The following XRN1 variants were observed in gnomAD, a reference collection of about 807,000 sequenced individuals.
The protein encoded by XRN1 is strand-exchange protein 1 homolog.
XRN1 carries 67 observed loss-of-function variants against 222.3 expected under a neutral mutation model. The ratio of observed to expected loss-of-function variants is 0.30; its 90% CI spans 0.25 to 0.37. The LOEUF is 0.37. XRN1 is among the 10% of genes least tolerant of loss of function. The pLI is 1.00. For synonymous variants in XRN1, 643 were observed against 652.4 expected (o/e 0.99, Z 0.22); for missense variants, 1,707 against 2,000.2 (o/e 0.85, Z 2.80).
chr3:142,441,492 T>C (rs2070211786), intron 1 of XRN1, among the ~76,000 whole-genome samples: 1 of 152,222 alleles, frequency 6.6e-6, no homozygotes, highest in South Asian at 2.1e-4. Context: ...AGGGACGAGC[T>C]TGCAACCGTG....
intron 1 of XRN1, among the ~76,000 whole-genome samples, chr3:142,446,693 C>T (rs1214335995): frequency 6.6e-6 from 1 of 152,190 alleles, no homozygotes; most frequent in Non-Finnish European, 1.5e-5. Flanking sequence ...TTGGTTGTCT[C>T]CATTTCTGCA....
intron 10 of XRN1, among the ~76,000 whole-genome samples, chr3:142,420,566 T>C (rs2068984968): frequency 6.6e-6 from 1 of 152,026 alleles, no homozygotes; most frequent in African/African-American, 2.4e-5. Flanking sequence ...GAGATGGGGT[T>C]TCGCCACGTT....
At chr3:142,326,339 T>C (rs191740297) in intron 37 of XRN1, among the ~76,000 whole-genome samples, 7 of 152,218 alleles carry the variant, frequency 4.6e-5, no homozygotes, top group Admixed American at 4.6e-4. Context: ...CATTGTTTTA[T>C]AATAAGTTTT....
At position 142,373,007 on chromosome 3, in the gene XRN1, G is replaced by C. The variant is rs576117543; in HGVS notation, c.2979-1679C>G. On this transcript the variant is annotated intron_variant, in intron 25 of 40. Coordinates refer to ENST00000392981, the MANE Select transcript of XRN1 (RefSeq NM_001282857.2). ...TAGTGCCTCATTCTTAAATATAATTGGATATCAAAGATCATCAGACAAGAA... is the reference window on the plus strand; with the variant it reads ...TAGTGCCTCATTCTTAAATATAATTCGATATCAAAGATCATCAGACAAGAA... 2.6e-5 allele frequency among the ~76,000 whole-genome samples: 4 copies of C among 152,072 alleles called. No individual in the cohort carries two copies. The East Asian group carries it at 7.7e-4, about 29-fold the overall frequency.
rs550925472 is a variant in XRN1 at position 142,307,051 on chromosome 3, T to G, written c.*4460A>C. 8.8e-4 allele frequency: 134 copies of G among 152,606 alleles called. 1 individual carries two copies. Among genetic ancestry groups the G allele is most frequent in the African/African-American group, 3.2e-3 (131 of 41,528 alleles). The allele number at this position is 152,606 out of a possible 1,614,324, so 9.5% of individuals were successfully genotyped here. The stretch of plus-strand genomic sequence containing the variant: ...ACAGCACAGCATCTATTACTCACAT[T>G]AAACTAGATGAAAATACTCAAAGAA... On this transcript the variant is annotated 3_prime_UTR_variant, in exon 41 of 41. Transcript: ENST00000392981.
In XRN1 at chr3:142,375,959, C is replaced by A; in HGVS notation, c.2832-15G>T. ...CTCCATGAGGGCTGAATTTAAACCACACATGCGCACACGTGCACACACACA... is the reference window on the plus strand; with the variant it reads ...CTCCATGAGGGCTGAATTTAAACCAAACATGCGCACACGTGCACACACACA... On this transcript the variant is annotated splice_polypyrimidine_tract_variant and intron_variant, in intron 24 of 40. Transcript: ENST00000392981. The A allele has an allele frequency of 6.3e-7, 1 of 1,596,206 alleles. No homozygotes were observed. Among genetic ancestry groups the A allele is most frequent in the Non-Finnish European group, 8.5e-7 (1 of 1,174,062 alleles).
intron 14 of XRN1, 86 bp from the exon 15 acceptor site, chr3:142,412,749 TGTTA>T: frequency 2.6e-6 from 3 of 1,133,092 alleles, no homozygotes; most frequent in Non-Finnish European, 3.5e-6. Context: ...TATTTCCTCA[TGTTA>T]GTTTAAAATT....
intron 10 of XRN1, among the ~76,000 whole-genome samples, 184 bp from the exon 11 acceptor site, chr3:142,419,065 C>T (rs536019564): frequency 9.8e-5 from 15 of 152,300 alleles, no homozygotes; most frequent in African/African-American, 3.6e-4. Flanking sequence ...TCTCTGATTT[C>T]CTGTCTACTG....
Position 142,447,741 on chromosome 3 carries a change from T to C in XRN1, c.75+129A>G. 9.0e-7 allele frequency: 1 copy of C among 1,105,964 alleles called. No homozygotes were observed. The highest frequency in any genetic ancestry group is 1.3e-6 in the Non-Finnish European group (1 of 767,622). 68.5% of individuals were successfully genotyped at this position (1,105,964 alleles called of 1,614,324 possible). The stretch of plus-strand genomic sequence containing the variant: ...GGCGTCCTCAAACCTTCCGTCCCCC[T>C]CCCTAATGCCACTAATCGTCCAGAC... On this transcript the variant is annotated intron_variant, in intron 1 of 40. Coordinates refer to ENST00000392981, the MANE Select transcript of XRN1 (RefSeq NM_001282857.2). The surrounding 1 kb of genome is among the most constrained non-coding windows in gnomAD (Gnocchi z 4.2).
intron 25 of XRN1, among the ~76,000 whole-genome samples, chr3:142,374,976 C>T (rs536845340): frequency 7.9e-5 from 12 of 152,212 alleles, no homozygotes; most frequent in African/African-American, 2.2e-4. Context: ...AGACACCCAG[C>T]GAGAACATCA....
chr3:142,382,152 C>T (rs533286992), intron 22 of XRN1, among the ~76,000 whole-genome samples: 70 of 152,106 alleles, frequency 4.6e-4, no homozygotes, highest in Non-Finnish European at 6.2e-4. Flanking sequence ...TTACAGTTTT[C>T]GTTTCCCTTG....
At chr3:142,398,618 C>T (rs747736321) in intron 19 of XRN1, among the ~76,000 whole-genome samples, 9 of 152,076 alleles carry the variant, frequency 5.9e-5, no homozygotes, top group Non-Finnish European at 1.2e-4. Context: ...CCTCTCACCT[C>T]GGCCTCCCAA....
chr3:142,375,664 T>C (rs1220775579), intron 25 of XRN1, 134 bp downstream of exon 25: 1 of 841,364 alleles, frequency 1.2e-6, no homozygotes, highest in African/African-American at 1.8e-5. Context: ...GATGCAAAAT[T>C]AAGTTTACAT....
chr3:142,318,700 G>T lies in XRN1; in HGVS notation c.4519-6C>A. On this transcript the variant is annotated splice_polypyrimidine_tract_variant and splice_region_variant and intron_variant, in intron 38 of 40. Coordinates refer to ENST00000392981, the MANE Select transcript of XRN1 (RefSeq NM_001282857.2). ...AAATTCATGCCTAAGGAGCCCTGTG[G>T]AAGTATTTAAAAGTTACAAGACAAT... 1 of 1,609,800 alleles carries T rather than the reference G, an allele frequency of 6.2e-7. No individual in the cohort carries two copies. Among genetic ancestry groups the T allele is most frequent in the Non-Finnish European group, 8.5e-7 (1 of 1,177,844 alleles).
At chr3:142,322,339 G>C (rs2065377048) in intron 37 of XRN1, among the ~76,000 whole-genome samples, 1 of 152,166 alleles carries the variant, frequency 6.6e-6, no homozygotes, top group Non-Finnish European at 1.5e-5. Context: ...TCAGCCTCCT[G>C]AATAGCTGAG....
intron 23 of XRN1, among the ~76,000 whole-genome samples, chr3:142,379,870 G>A (rs988157728): frequency 3.9e-5 from 6 of 152,162 alleles, no homozygotes; most frequent in South Asian, 2.1e-4. Flanking sequence ...GATTAATAAC[G>A]GGATTTCAGT....
chr3:142,368,692 C>T (rs1264392304), intron 27 of XRN1, among the ~76,000 whole-genome samples: 1 of 152,138 alleles, frequency 6.6e-6, no homozygotes, highest in Non-Finnish European at 1.5e-5. Context: ...GAAATACAGG[C>T]TTTCTATCCT....
intron 1 of XRN1, among the ~76,000 whole-genome samples, chr3:142,446,340 A>T (rs889929281): frequency 2.0e-5 from 3 of 152,224 alleles, no homozygotes; most frequent in Non-Finnish European, 4.4e-5. Context: ...GAAAGGTATC[A>T]CAACAATGAA....
chr3:142,376,705 T>A, intron 23 of XRN1, 111 bp from the exon 24 acceptor site: 2 of 774,330 alleles, frequency 2.6e-6, no homozygotes, highest in Non-Finnish European at 4.1e-6. Context: ...ACCATTGGAT[T>A]GTGGCAATAT....
Sources: allele counts gnomAD v4.1 joint callset (sites outside exome capture counted in the v4.1 genomes callset), GRCh38; gene constraint gnomAD v4.1.1; non-coding constraint Gnocchi (gnomAD v3.1); transcripts MANE v1.5; gene names NCBI Gene and HGNC (gene_info 2026-07-23, HGNC 2026-07-21).